PLEK: variants seen among roughly 807,000 people sequenced by gnomAD.
The protein encoded by PLEK is pleckstrin, also known as platelet 47 kDa protein.
Under a neutral mutation model 43.9 loss-of-function variants are expected in PLEK, and 25 were observed. The observed-to-expected ratio is 0.57, with a 90% CI of 0.41 to 0.79. The LOEUF is 0.79. PLEK is among the 30% of genes least tolerant of loss of function. The pLI is 0.00. For synonymous variants in PLEK, 152 were observed against 144.4 expected (o/e 1.05, Z -0.38); for missense variants, 396 against 413.3 (o/e 0.96, Z 0.36).
At chr2:68,384,154 G>GTTCTCC (rs61680302) in intron 4 of PLEK, among the ~76,000 whole-genome samples, 2,485 of 149,970 alleles carry the variant, frequency 0.017, 34 homozygotes, top group Non-Finnish European at 0.023. Context: ...TTTTCTTCTT[G>GTTCTCC]TTCTCCTTCT....
chr2:68,392,135 TCCTTCCTCCTA>T (rs768231845), intron 6 of PLEK, among the ~76,000 whole-genome samples: 41 of 147,478 alleles, frequency 2.8e-4, no homozygotes, highest in African/African-American at 1.0e-3. Flanking sequence ...CCTTCCTCTT[TCCTTCCTCCTA>T]CCTTCCTCCC....
At chr2:68,381,521 C>T (rs1185989701) in intron 3 of PLEK, among the ~76,000 whole-genome samples, 2 of 152,154 alleles carry the variant, frequency 1.3e-5, no homozygotes, top group Non-Finnish European at 2.9e-5. Context: ...CACATGAGCC[C>T]CTTTCTCTAG....
chr2:68,373,982 A>T (rs1673455943), intron 1 of PLEK, among the ~76,000 whole-genome samples: 1 of 152,228 alleles, frequency 6.6e-6, no homozygotes, highest in Non-Finnish European at 1.5e-5. Flanking sequence ...TTTAAAAGTT[A>T]AGCCCACAGA....
chr2:68,377,521 G>GATCAACATCTGA (rs1673529176), intron 1 of PLEK, among the ~76,000 whole-genome samples: 1 of 152,168 alleles, frequency 6.6e-6, no homozygotes, highest in African/African-American at 2.4e-5. Context: ...CTGATGATCA[G>GATCAACATCTGA]TGATGTTGAG....
At chr2:68,388,217 G>A in intron 5 of PLEK, 170 bp from the exon 6 acceptor site, 1 of 538,974 alleles carries the variant, frequency 1.9e-6, no homozygotes, top group Non-Finnish European at 3.4e-6. Context: ...AAAGGAGGAG[G>A]AGAAACTCGC....
intron 1 of PLEK, among the ~76,000 whole-genome samples, chr2:68,376,956 A>G (rs1429540949): frequency 6.6e-6 from 1 of 150,738 alleles, no homozygotes; most frequent in East Asian, 1.9e-4. Flanking sequence ...CCATCCTTCT[A>G]CTCTCTGTGT....
chr2:68,384,154 GTTCTCCTTCTCCTTCTCC>G (rs61680302), intron 4 of PLEK, among the ~76,000 whole-genome samples: 4,053 of 149,984 alleles, frequency 0.027, 165 homozygotes, highest in African/African-American at 0.085. Context: ...TTTTCTTCTT[GTTCTCCTTCTCCTTCTCC>G]TTCTCCTTCT....
At chr2:68,371,874 A>G (rs1446308263) in intron 1 of PLEK, among the ~76,000 whole-genome samples, 1 of 152,052 alleles carries the variant, frequency 6.6e-6, no homozygotes, top group East Asian at 1.9e-4. Context: ...CCCACACCTT[A>G]TAAGTCTTTA....
intron 5 of PLEK, 131 bp from the exon 6 acceptor site, chr2:68,388,256 G>T: frequency 1.6e-6 from 1 of 625,692 alleles, no homozygotes; most frequent in East Asian, 2.6e-5. Flanking sequence ...GTTCAGATTG[G>T]GATGTACACA....
chr2:68,369,975 CA>C (rs76599595), intron 1 of PLEK, among the ~76,000 whole-genome samples: 42,828 of 152,076 alleles, frequency 0.28, 6,903 homozygotes, highest in East Asian at 0.69. Flanking sequence ...TGTATAGGCA[CA>C]ACACAACCAT....
intron 1 of PLEK, 78 bp from the exon 2 acceptor site, chr2:68,380,250 T>C (rs1015241331): frequency 1.7e-6 from 2 of 1,194,412 alleles, no homozygotes; most frequent in Non-Finnish European, 1.2e-6. Flanking sequence ...TAAGTAAATA[T>C]AGAATCTTTC....
At chr2:68,382,683 A>C (rs76089495) in intron 4 of PLEK, 50 bp downstream of exon 4, 2 of 1,058,632 alleles carry the variant, frequency 1.9e-6, no homozygotes, top group South Asian at 2.5e-5. Flanking sequence ...GGCGATATGG[A>C]GTCCTCCTTC....
At chr2:68,372,365 T>C (rs1202083069) in intron 1 of PLEK, among the ~76,000 whole-genome samples, 1 of 152,006 alleles carries the variant, frequency 6.6e-6, no homozygotes, top group Non-Finnish European at 1.5e-5. Context: ...TAGTAGAGAC[T>C]GGCTTTCATC....
At chr2:68,368,807 T>C (rs7567378) in intron 1 of PLEK, among the ~76,000 whole-genome samples, 24,759 of 152,224 alleles carry the variant, frequency 0.16, 2,567 homozygotes, top group African/African-American at 0.3. Flanking sequence ...AGCAAGCTGT[T>C]GTTTCCAGGA....
chr2:68,377,993 G>C (rs1673537791), intron 1 of PLEK, among the ~76,000 whole-genome samples: 1 of 152,108 alleles, frequency 6.6e-6, no homozygotes, highest in Non-Finnish European at 1.5e-5. Flanking sequence ...ACATATAGTT[G>C]GGTGGCAATA....
At chr2:68,389,635 T>C (rs1673820830) in intron 6 of PLEK, among the ~76,000 whole-genome samples, 2 of 152,186 alleles carry the variant, frequency 1.3e-5, no homozygotes, top group African/African-American at 4.8e-5. Context: ...TACCTTCATA[T>C]CAGGTTTTAA....
intron 4 of PLEK, among the ~76,000 whole-genome samples, chr2:68,385,741 T>A (rs1271482389): frequency 5.3e-5 from 8 of 152,354 alleles, no homozygotes; most frequent in African/African-American, 1.9e-4. Flanking sequence ...CTGCCCAGTG[T>A]CACTTCCTCT....
rs538073443 is a variant in PLEK at position 68,386,654 on chromosome 2, T to C, written c.625T>C (p.Phe209Leu). Residue 209 changes from phenylalanine (F) to leucine (L), a missense_variant, in exon 5 of 9, where the codon TTC becomes CTC. Transcript: ENST00000234313. ...SAVDGTAENPFLDNPDAFYYF... is the reference protein window; with the variant it reads ...SAVDGTAENPLLDNPDAFYYF... ...AGTGGATGGAACTGCTGAAAACCCT[T>C]TCCTGGACAACCCTGATGCCTTCTA... The C allele has an allele frequency of 6.2e-7, 1 of 1,613,816 alleles. No homozygotes were observed. Among genetic ancestry groups the C allele is most frequent in the South Asian group, 1.1e-5 (1 of 91,058 alleles).
At chr2:68,365,582 G>T in intron 1 of PLEK, 189 bp downstream of exon 1, 1 of 543,388 alleles carries the variant, frequency 1.8e-6, no homozygotes, top group Non-Finnish European at 3.4e-6. Flanking sequence ...ATCCAGCCCC[G>T]GCTTCCTTAC....
Sources: gnomAD v4.1 joint callset for allele counts (sites outside exome capture counted in the v4.1 genomes callset) on GRCh38, gnomAD v4.1.1 for gene constraint, MANE v1.5 for transcripts, NCBI Gene and HGNC (gene_info 2026-07-23, HGNC 2026-07-21) for gene names.